Variants in TRPM3 observed in about 807,000 individuals in gnomAD.
The protein encoded by TRPM3 is transient receptor potential cation channel subfamily M member 3.
A neutral mutation model predicts 181.2 loss-of-function variants in TRPM3; 77 were observed. The observed-to-expected ratio is 0.42, with a 90% CI of 0.35 to 0.51. The LOEUF (loss-of-function observed/expected upper bound fraction) is 0.51. Among genes scored for constraint, TRPM3 ranks in the 20% least tolerant of loss-of-function variants. The pLI, the probability that TRPM3 is intolerant of heterozygous loss-of-function variation, is 0.01. For missense variants in TRPM3, 1,759 were observed against 2,196.7 expected (o/e 0.80, Z 3.98); for synonymous variants, 745 against 796.4 (o/e 0.94, Z 1.09).
intron 1 of TRPM3, among the ~76,000 whole-genome samples, chr9:71,326,401 T>C (rs546440694): frequency 2.0e-5 from 3 of 152,222 alleles, no homozygotes; most frequent in Non-Finnish European, 4.4e-5. Flanking sequence ...CAAGTATGTA[T>C]GTGTATATGC....
At chr9:70,915,332 C>T (rs1422542214) in intron 1 of TRPM3, among the ~76,000 whole-genome samples, 1 of 151,862 alleles carries the variant, frequency 6.6e-6, no homozygotes, top group African/African-American at 2.4e-5. Context: ...GAGTCTTACT[C>T]TGTCGCCCAG....
chr9:70,675,024 A>T (rs2063723029), intron 9 of TRPM3, among the ~76,000 whole-genome samples: 1 of 151,998 alleles, frequency 6.6e-6, no homozygotes, highest in African/African-American at 2.4e-5. Flanking sequence ...GCTTTCCTAA[A>T]ACTTTTCTAA....
intron 8 of TRPM3, among the ~76,000 whole-genome samples, chr9:70,683,827 G>T (rs2066095127): frequency 6.6e-6 from 1 of 152,168 alleles, no homozygotes; most frequent in South Asian, 2.1e-4. Context: ...AACTCAGGAA[G>T]GGATTCCTGA....
intron 1 of TRPM3, among the ~76,000 whole-genome samples, chr9:71,245,506 G>T (rs943657864): frequency 4.6e-4 from 70 of 152,024 alleles, no homozygotes; most frequent in African/African-American, 1.5e-3. Context: ...ATTTAGAGCG[G>T]CAATGAAGGA....
intron 1 of TRPM3, among the ~76,000 whole-genome samples, chr9:71,436,371 C>T (rs1280579964): frequency 2.2e-5 from 3 of 137,620 alleles, no homozygotes; most frequent in Non-Finnish European, 4.5e-5. Flanking sequence ...GGCTTGATCT[C>T]GGCTCACTGC....
At position 70,827,802 on chromosome 9, in the gene TRPM3, G is replaced by T. The variant is rs1015842796; in HGVS notation, c.973+45C>A. The T allele has an allele frequency of 6.9e-6, 11 of 1,592,928 alleles. No individual in the cohort carries two copies. The Admixed American group carries it at 1.0e-4, about 15-fold the overall frequency. On this transcript the variant is annotated intron_variant, in intron 6 of 25. Transcript: ENST00000677713. The stretch of plus-strand genomic sequence containing the variant: ...GTGTACTTAAAGTTATTCACTTTCA[G>T]CATACCTCCTACGAGCCATGCCAGT...
chr9:70,798,548 TTCC>T (rs2087884686), intron 6 of TRPM3, among the ~76,000 whole-genome samples: 1 of 152,232 alleles, frequency 6.6e-6, no homozygotes. Flanking sequence ...GGAGAGCTTC[TTCC>T]ACTTAACTGT....
At chr9:70,927,104 T>C (rs2096728420) in intron 1 of TRPM3, among the ~76,000 whole-genome samples, 1 of 152,248 alleles carries the variant, frequency 6.6e-6, no homozygotes, top group Non-Finnish European at 1.5e-5. Flanking sequence ...TTTTATACTA[T>C]ATGTCACTAC....
In TRPM3 at chr9:70,647,334, T is replaced by G. The variant is rs185620509; in HGVS notation, c.1346-6674A>C. ...TGAATCCAGCAGCACATCAAAAAAC[T>G]TATCCATCATGATCAAGTAGGCTTC... On this transcript the variant is annotated intron_variant, in intron 9 of 25. Transcript: ENST00000677713. 1.2e-3 allele frequency among the ~76,000 whole-genome samples: 181 copies of G among 152,256 alleles called. 1 individual carries two copies. The highest frequency in any genetic ancestry group is 4.1e-3 in the African/African-American group (170 of 41,554).
At chr9:71,046,060 C>T (rs767410380) in intron 1 of TRPM3, among the ~76,000 whole-genome samples, 1 of 151,550 alleles carries the variant, frequency 6.6e-6, no homozygotes, top group African/African-American at 2.4e-5. Flanking sequence ...TCTTGGCTCA[C>T]GATCTTGGCT....
intron 1 of TRPM3, among the ~76,000 whole-genome samples, chr9:71,364,684 A>G (rs2092275907): frequency 6.6e-6 from 1 of 152,222 alleles, no homozygotes. Flanking sequence ...GGACAAGACA[A>G]TAAAAGAGTA....
chr9:71,041,236 G>A (rs1424992276), intron 1 of TRPM3, among the ~76,000 whole-genome samples: 1 of 151,940 alleles, frequency 6.6e-6, no homozygotes, highest in African/African-American at 2.4e-5. Flanking sequence ...AGAGAGAGAA[G>A]GAGAGAAAAG....
intron 1 of TRPM3, among the ~76,000 whole-genome samples, chr9:71,109,497 G>A (rs370859778): frequency 3.9e-5 from 6 of 152,074 alleles, no homozygotes; most frequent in African/African-American, 1.2e-4. Context: ...CCAACTATAC[G>A]CAAACACAAA....
chr9:70,776,782 G>A (rs1048739467), intron 7 of TRPM3, among the ~76,000 whole-genome samples: 13 of 152,184 alleles, frequency 8.5e-5, no homozygotes, highest in Non-Finnish European at 1.5e-4. Flanking sequence ...TGGTAACAAC[G>A]CAGTGACTTG....
chr9:71,017,097 A>G (rs1250525867), intron 1 of TRPM3, among the ~76,000 whole-genome samples: 1 of 152,116 alleles, frequency 6.6e-6, no homozygotes, highest in Non-Finnish European at 1.5e-5. Flanking sequence ...CATTTACTGC[A>G]CATAAGAAGC....
intron 1 of TRPM3, among the ~76,000 whole-genome samples, chr9:71,080,208 A>C (rs1367573874): frequency 7.2e-6 from 1 of 139,442 alleles, no homozygotes; most frequent in Non-Finnish European, 1.6e-5. Flanking sequence ...ATAAATAAAT[A>C]AAATAAAAAG....
intron 1 of TRPM3, among the ~76,000 whole-genome samples, chr9:71,013,302 T>C (rs2097760188): frequency 6.6e-6 from 1 of 152,118 alleles, no homozygotes; most frequent in Admixed American, 6.5e-5. Context: ...TAAATCTTTC[T>C]TAGTCATAAG....
At chr9:71,119,564 A>C (rs1225666181) in intron 1 of TRPM3, among the ~76,000 whole-genome samples, 1 of 152,116 alleles carries the variant, frequency 6.6e-6, no homozygotes, top group Admixed American at 6.5e-5. Flanking sequence ...CATATTAATT[A>C]ATCATATATG....
chr9:70,935,979 T>C (rs1296448398), intron 1 of TRPM3, among the ~76,000 whole-genome samples: 1 of 152,154 alleles, frequency 6.6e-6, no homozygotes, highest in Non-Finnish European at 1.5e-5. Context: ...TTAATACACT[T>C]TACTCCCTTC....
Sources: gnomAD v4.1 joint callset for allele counts (sites outside exome capture counted in the v4.1 genomes callset) on GRCh38, gnomAD v4.1.1 for gene constraint, MANE v1.5 for transcripts, NCBI Gene and HGNC (gene_info 2026-07-23, HGNC 2026-07-21) for gene names.